Variants in ADARB2 observed in about 807,000 individuals in gnomAD.
ADARB2 encodes inactive double-stranded RNA-specific editase B2.
A neutral mutation model predicts 62.2 loss-of-function variants in ADARB2; 25 were observed. The ratio of observed to expected loss-of-function variants is 0.40; its 90% confidence interval spans 0.29 to 0.56. ADARB2 has a LOEUF of 0.56. ADARB2 is among the 20% of genes least tolerant of loss of function. The probability of loss-of-function intolerance (pLI) is 0.43; values close to 1 mark genes in which losing one functional copy is unlikely to be tolerated. For synonymous variants in ADARB2, 572 were observed against 500.8 expected (o/e 1.14, Z -1.90); for missense variants, 1,071 against 1,077.4 (o/e 0.99, Z 0.08).
intron 1 of ADARB2, among the ~76,000 whole-genome samples, chr10:1,458,221 A>G (rs988917339): frequency 2.6e-5 from 4 of 152,152 alleles, no homozygotes; most frequent in African/African-American, 7.2e-5. Flanking sequence ...CAGGAAGAAC[A>G]GCGTGCACCC....
chr10:1,591,654 TGCAC>T (rs755895978), intron 1 of ADARB2, among the ~76,000 whole-genome samples: 182 of 15,372 alleles, frequency 0.012, 2 homozygotes, highest in South Asian at 0.038. Flanking sequence ...CACAGAGGCG[TGCAC>T]GCACACACAC....
At chr10:1,381,677 C>T in intron 1 of ADARB2, among the ~76,000 whole-genome samples, 1 of 152,216 alleles carries the variant, frequency 6.6e-6, no homozygotes, top group Non-Finnish European at 1.5e-5. Flanking sequence ...GGAAATCCTG[C>T]CATTTGCAAC....
chr10:1,659,585 G>A (rs1834218300), intron 1 of ADARB2, among the ~76,000 whole-genome samples: 3 of 152,242 alleles, frequency 2.0e-5, no homozygotes, highest in Admixed American at 2.0e-4. Context: ...CGATGAGGCT[G>A]GAATACAACG....
At chr10:1,324,744 G>A (rs1831827685) in intron 3 of ADARB2, among the ~76,000 whole-genome samples, 1 of 152,202 alleles carries the variant, frequency 6.6e-6, no homozygotes, top group African/African-American at 2.4e-5. Flanking sequence ...GAGTGGGGTT[G>A]GAAGGTGGCT....
rs1831412953 is a variant in ADARB2, at chr10:1,477,157, G to A, written c.101-97997C>T. 6.6e-6 allele frequency among the ~76,000 whole-genome samples: 1 copy of A among 152,176 alleles called. No individual in the cohort carries two copies. The highest frequency in any genetic ancestry group is 2.4e-5 in the African/African-American group (1 of 41,432). On this transcript the variant is annotated intron_variant, in intron 1 of 9. Coordinates refer to ENST00000381312, the MANE Select transcript of ADARB2 (RefSeq NM_018702.4). This position sits in a 1 kb window ranked among gnomAD's most constrained non-coding sequence, Gnocchi z 4.5. ...ACTTGGGTTGCCCGATCCTGCAAAC[G>A]CTGGCTTTCTCCTCTGACCCATGGC...
At chr10:1,434,537 C>A (rs1249726498) in intron 1 of ADARB2, among the ~76,000 whole-genome samples, 1 of 152,124 alleles carries the variant, frequency 6.6e-6, no homozygotes, top group Non-Finnish European at 1.5e-5. Flanking sequence ...GAGTTTTGCC[C>A]GGGCCTTTCC....
In ADARB2 at chr10:1,298,890, T is replaced by C. The variant is rs376710338; in HGVS notation, c.1078-27821A>G. ...GAGAAGCTAGGACCACTGACGTGCA[T>C]CACCATGCCCGGTTAAGTTTTTATT... On this transcript the variant is annotated intron_variant, in intron 3 of 9. Transcript: ENST00000381312. Among the ~76,000 whole-genome samples, 5 of 151,468 alleles carry C rather than the reference T, an allele frequency of 3.3e-5. No individual in the cohort carries two copies. In the South Asian group the frequency reaches 6.3e-4, roughly 19 times the overall value.
chr10:1,319,610 C>T (rs1831777357), intron 3 of ADARB2, among the ~76,000 whole-genome samples: 1 of 152,158 alleles, frequency 6.6e-6, no homozygotes, highest in Non-Finnish European at 1.5e-5. Flanking sequence ...TATATCAGAA[C>T]TTGAAAAGAG....
chr10:1,323,835 G>C (rs972803705), intron 3 of ADARB2, among the ~76,000 whole-genome samples: 3 of 152,126 alleles, frequency 2.0e-5, no homozygotes, highest in African/African-American at 7.2e-5. Flanking sequence ...TTGGGATCTA[G>C]AGCAAGATGA....
At chr10:1,348,817 T>C (rs1832106362) in intron 3 of ADARB2, among the ~76,000 whole-genome samples, 1 of 152,206 alleles carries the variant, frequency 6.6e-6, no homozygotes, top group Admixed American at 6.5e-5. Flanking sequence ...ACCCCAGGGC[T>C]GTCCCCTCAG....
At chr10:1,413,564 G>A (rs1050626529) in intron 1 of ADARB2, among the ~76,000 whole-genome samples, 1 of 152,090 alleles carries the variant, frequency 6.6e-6, no homozygotes, top group African/African-American at 2.4e-5. Context: ...TCTTATGAAA[G>A]GGTCCTCCTA....
chr10:1,704,926 C>A lies in ADARB2; in HGVS notation c.100+32125G>T, dbSNP rs561118719. The stretch of plus-strand genomic sequence containing the variant: ...AAGGGTGCAGGGGAGACCATGAGGG[C>A]GTGGGCACCACCCAGCCATGAGTCT... On this transcript the variant is annotated intron_variant, in intron 1 of 9. Coordinates refer to ENST00000381312, the MANE Select transcript of ADARB2 (RefSeq NM_018702.4). This position sits in a 1 kb window ranked among gnomAD's most constrained non-coding sequence, Gnocchi z 5.6. Among the ~76,000 whole-genome samples, 1 of 151,962 alleles carries A rather than the reference C, an allele frequency of 6.6e-6. No individual in the cohort carries two copies. Among genetic ancestry groups the A allele is most frequent in the South Asian group, 2.1e-4 (1 of 4,808 alleles).
rs1215461730 is a variant in ADARB2, at chr10:1,184,941, T to C, written c.1963A>G (p.Thr655Ala). Residue 655 changes from threonine (T) to alanine (A), a missense_variant, in exon 9 of 10, where the codon ACT (threonine) becomes GCT (alanine). Physicochemically the swap from Thr to Ala is moderately conservative, Grantham distance 58. Transcript: ENST00000381312. ...SADLEIINAT[T>A]GRRSCGGPSR... ...GGGCCCCCACAGCTCCTCCGCCCAG[T>C]GGTGGCGTTGATAATCTCCAGGTCC... The C allele has an allele frequency of 6.2e-7, 1 of 1,613,752 alleles. No individual in the cohort carries two copies. The highest frequency in any genetic ancestry group is 8.5e-7 in the Non-Finnish European group (1 of 1,180,026).
intron 1 of ADARB2, among the ~76,000 whole-genome samples, chr10:1,591,214 G>A (rs1358370926): frequency 6.6e-6 from 1 of 152,176 alleles, no homozygotes; most frequent in Admixed American, 6.5e-5. Context: ...GGTGGGAGAA[G>A]CCACCCTGAA....
chr10:1,196,206 CT>C (rs10665720), intron 8 of ADARB2, among the ~76,000 whole-genome samples: 10,726 of 120,858 alleles, frequency 0.089, 747 homozygotes, highest in African/African-American at 0.27. Flanking sequence ...CTTCTTTTGC[CT>C]TTTTTTTTTT....
At position 1,409,883 on chromosome 10, in the gene ADARB2, G is replaced by A. The variant is rs1832743818; in HGVS notation, c.101-30723C>T. ...CTCATTGGTGCTGAGGCCTGGCTGTGGTCATAGGGAAGGATTCTCAGTGGT... is the reference window on the plus strand; with the variant it reads ...CTCATTGGTGCTGAGGCCTGGCTGTAGTCATAGGGAAGGATTCTCAGTGGT... On this transcript the variant is annotated intron_variant, in intron 1 of 9. Transcript: ENST00000381312. 1.7e-5 allele frequency among the ~76,000 whole-genome samples: 2 copies of A among 114,674 alleles called. 1 individual carries two copies. Among genetic ancestry groups the A allele is most frequent in the Non-Finnish European group, 4.0e-5 (2 of 50,486 alleles). 75.2% of individuals were successfully genotyped at this position (114,674 alleles called of 152,430 possible). A position where few individuals can be genotyped will look rare whatever the true frequency, so the allele number is the denominator to read the frequency against.
At position 1,325,579 on chromosome 10, in the gene ADARB2, AAAAG is replaced by A. The variant is rs143941660; in HGVS notation, c.1077+37445_1077+37448del. ...TATTTAAATATTTCTGTCACTCAGG[AAAAG>A]AAATAAGAAAAGTATTCAAAACGGG... On this transcript the variant is annotated intron_variant, in intron 3 of 9. Transcript: ENST00000381312. 4.4e-3 allele frequency among the ~76,000 whole-genome samples: 674 copies of A among 152,328 alleles called. 8 individuals carry two copies. Among genetic ancestry groups the A allele is most frequent in the African/African-American group, 0.015 (637 of 41,564 alleles).
At chr10:1,557,818 A>G (rs566791302) in intron 1 of ADARB2, among the ~76,000 whole-genome samples, 1 of 151,456 alleles carries the variant, frequency 6.6e-6, no homozygotes, top group Non-Finnish European at 1.5e-5. Flanking sequence ...AGCCTGAGAC[A>G]TGAGAATCGT....
intron 1 of ADARB2, among the ~76,000 whole-genome samples, chr10:1,512,151 C>A (rs1334307939): frequency 6.6e-6 from 1 of 151,478 alleles, no homozygotes; most frequent in African/African-American, 2.4e-5. Context: ...TCGATGCTGT[C>A]CACACTAGAT....
Sources: gnomAD v4.1 joint callset for allele counts (sites outside exome capture counted in the v4.1 genomes callset) on GRCh38, gnomAD v4.1.1 for gene constraint, Gnocchi (gnomAD v3.1) non-coding constraint, MANE v1.5 for transcripts, NCBI Gene and HGNC (gene_info 2026-07-23, HGNC 2026-07-21) for gene names.